The following SPOCK1 variants were observed in gnomAD, a reference collection of about 807,000 sequenced individuals.
SPOCK1 encodes the protein SPARC (osteonectin), cwcv and kazal like domains proteoglycan 1.
SPOCK1 carries 23 observed loss-of-function variants against 55.3 expected under a neutral mutation model. The observed-to-expected ratio is 0.42, with a 90% confidence interval of 0.30 to 0.59. The LOEUF is 0.59. SPOCK1 is among the 20% of genes least tolerant of loss of function. The pLI is 0.22. For synonymous variants in SPOCK1, 226 were observed against 221.0 expected (o/e 1.02, Z -0.20); for missense variants, 499 against 552.5 (o/e 0.90, Z 0.97).
chr5:137,088,131 T>C (rs1399664561), intron 5 of SPOCK1, among the ~76,000 whole-genome samples: 1 of 152,166 alleles, frequency 6.6e-6, no homozygotes, highest in African/African-American at 2.4e-5. Flanking sequence ...AGATGAGCTC[T>C]AGGCTCCCCT....
At chr5:137,199,127 T>C (rs965285961) in intron 3 of SPOCK1, among the ~76,000 whole-genome samples, 3 of 152,222 alleles carry the variant, frequency 2.0e-5, no homozygotes, top group South Asian at 2.1e-4. Context: ...GAAAAATTCA[T>C]CTTCCTCAGA....
chr5:137,478,803 A>C (rs1433048615), intron 2 of SPOCK1, among the ~76,000 whole-genome samples: 2 of 152,130 alleles, frequency 1.3e-5, no homozygotes, highest in Non-Finnish European at 2.9e-5. Flanking sequence ...CTAAGACCAA[A>C]GTTCAACACC....
intron 6 of SPOCK1, among the ~76,000 whole-genome samples, chr5:137,014,180 C>T (rs1222831142): frequency 1.3e-5 from 2 of 152,084 alleles, no homozygotes; most frequent in East Asian, 3.9e-4. Flanking sequence ...GCCCCCACTT[C>T]TCTTGCTTTG....
At position 137,144,994 on chromosome 5, in the gene SPOCK1, A is replaced by G. The variant is rs568748642; in HGVS notation, c.233-4300T>C. ...GTCTTCTCTACCTCTTCTATCACCAAACCTGCAGGACTCCTGTGGACCCAA... is the reference window on the plus strand; with the variant it reads ...GTCTTCTCTACCTCTTCTATCACCAGACCTGCAGGACTCCTGTGGACCCAA... On this transcript the variant is annotated intron_variant, in intron 3 of 10. Coordinates refer to ENST00000394945, the MANE Select transcript of SPOCK1 (RefSeq NM_004598.4). Among the ~76,000 whole-genome samples, 18 of 152,228 alleles carry G rather than the reference A, an allele frequency of 1.2e-4. No homozygotes were observed. The East Asian group carries it at 3.5e-3, about 29-fold the overall frequency.
chr5:137,356,798 A>ATATATATATATAT lies in SPOCK1; in HGVS notation c.187-89744_187-89743insATATATATATATA, dbSNP rs1491351108. On this transcript the variant is annotated intron_variant, in intron 2 of 10. Coordinates refer to ENST00000394945, the MANE Select transcript of SPOCK1 (RefSeq NM_004598.4). ...AGAGCAAGACTGTCTCAAAAAAAAT[A>ATATATATATATAT]ATATATATATATATATATATATATA... Among the ~76,000 whole-genome samples, 16 of 13,734 alleles carry ATATATATATATAT rather than the reference A, an allele frequency of 1.2e-3. 1 individual carries two copies. Among genetic ancestry groups the ATATATATATATAT allele is most frequent in the South Asian group, 2.9e-3 (1 of 340 alleles). The allele number at this position is 13,734 out of a possible 152,430, so 9.0% of individuals were successfully genotyped here.
intron 9 of SPOCK1, 51 bp from the exon 10 acceptor site, chr5:136,979,520 G>A (rs372155231): frequency 1.1e-4 from 182 of 1,596,598 alleles, no homozygotes; most frequent in South Asian, 3.6e-4. Flanking sequence ...GATGATACTC[G>A]GGGTTAATGC....
At chr5:137,163,051 C>A (rs1487361317) in intron 3 of SPOCK1, among the ~76,000 whole-genome samples, 2 of 152,190 alleles carry the variant, frequency 1.3e-5, no homozygotes, top group African/African-American at 4.8e-5. Flanking sequence ...ATACCCCTAG[C>A]CCAGTGTTCT....
At chr5:137,061,872 A>G (rs1752400740) in intron 6 of SPOCK1, among the ~76,000 whole-genome samples, 1 of 152,088 alleles carries the variant, frequency 6.6e-6, no homozygotes, top group Non-Finnish European at 1.5e-5. Flanking sequence ...GACCCAGGAG[A>G]AATTAAATTT....
chr5:137,300,941 G>A (rs1757577469), intron 2 of SPOCK1, among the ~76,000 whole-genome samples: 1 of 152,078 alleles, frequency 6.6e-6, no homozygotes, highest in Non-Finnish European at 1.5e-5. Flanking sequence ...CCCAGGTTCT[G>A]GTGGCCACTG....
At chr5:137,325,926 G>A (rs1237331477) in intron 2 of SPOCK1, among the ~76,000 whole-genome samples, 1 of 152,142 alleles carries the variant, frequency 6.6e-6, no homozygotes, top group Non-Finnish European at 1.5e-5. Context: ...CGAGTGCAAA[G>A]GCCCTGAGGC....
chr5:137,062,436 G>T (rs1186973651), intron 6 of SPOCK1, among the ~76,000 whole-genome samples: 2 of 151,882 alleles, frequency 1.3e-5, no homozygotes, highest in African/African-American at 4.8e-5. Flanking sequence ...AGGTTCAGAA[G>T]GGGTGGAGTA....
intron 2 of SPOCK1, among the ~76,000 whole-genome samples, chr5:137,406,479 C>T (rs1266109155): frequency 6.6e-6 from 1 of 152,168 alleles, no homozygotes; most frequent in Admixed American, 6.5e-5. Context: ...GCTTGACATG[C>T]AGTCTATCCC....
chr5:137,131,240 A>C (rs1414905372), intron 4 of SPOCK1, among the ~76,000 whole-genome samples: 2 of 152,258 alleles, frequency 1.3e-5, no homozygotes, highest in Non-Finnish European at 2.9e-5. Context: ...TAAATAACAA[A>C]GGAAAAGGAA....
intron 6 of SPOCK1, among the ~76,000 whole-genome samples, chr5:137,000,818 T>C (rs1165781726): frequency 2.0e-5 from 3 of 152,054 alleles, no homozygotes; most frequent in Admixed American, 6.6e-5. Context: ...CCAACTCACC[T>C]GAGGTCAGGA....
intron 2 of SPOCK1, among the ~76,000 whole-genome samples, chr5:137,316,320 T>G (rs1050761973): frequency 6.6e-6 from 1 of 152,176 alleles, no homozygotes; most frequent in African/African-American, 2.4e-5. Context: ...ATTTGGGAAG[T>G]GATGCATTCA....
chr5:137,215,802 A>G (rs1561474234), intron 3 of SPOCK1, among the ~76,000 whole-genome samples: 1 of 152,138 alleles, frequency 6.6e-6, no homozygotes, highest in East Asian at 1.9e-4. Context: ...ATAACTGCAC[A>G]TTTTTGATCT....
intron 2 of SPOCK1, among the ~76,000 whole-genome samples, chr5:137,368,286 T>C (rs962567690): frequency 6.6e-6 from 1 of 152,084 alleles, no homozygotes; most frequent in African/African-American, 2.4e-5. Context: ...ATAACCCAAG[T>C]GGACAAAAGA....
At chr5:137,216,179 T>C (rs116743622) in intron 3 of SPOCK1, among the ~76,000 whole-genome samples, 67 of 152,188 alleles carry the variant, frequency 4.4e-4, no homozygotes, top group African/African-American at 1.6e-3. Flanking sequence ...TCAGACAGAA[T>C]GGGTGACACA....
intron 6 of SPOCK1, among the ~76,000 whole-genome samples, chr5:137,039,622 G>C (rs551865304): frequency 1.3e-5 from 2 of 152,322 alleles, no homozygotes; most frequent in South Asian, 4.1e-4. Context: ...CCCATGGGCA[G>C]GGCCCACACC....
Sources: gnomAD v4.1 joint callset for allele counts (sites outside exome capture counted in the v4.1 genomes callset) on GRCh38, gnomAD v4.1.1 for gene constraint, MANE v1.5 for transcripts, NCBI Gene and HGNC (gene_info 2026-07-23, HGNC 2026-07-21) for gene names.